PCBP3: variants seen among roughly 807,000 people sequenced by gnomAD.
PCBP3 encodes the protein poly(rC) binding protein 3.
PCBP3 carries 25 observed loss-of-function variants against 52.7 expected under a neutral mutation model. The ratio of observed to expected loss-of-function variants is 0.47; its 90% confidence interval spans 0.35 to 0.66. The LOEUF (loss-of-function observed/expected upper bound fraction) is 0.66, where lower values mean the gene tolerates loss of function less well. PCBP3 is among the 30% of genes least tolerant of loss of function. PCBP3 has a pLI of 0.01. For missense variants in PCBP3, 391 were observed against 490.3 expected (o/e 0.80, Z 1.91); for synonymous variants, 162 against 183.0 (o/e 0.89, Z 0.93).
intron 16 of PCBP3, 32 bp downstream of exon 16, chr21:45,935,337 G>T: frequency 6.5e-7 from 1 of 1,548,800 alleles, no homozygotes. Flanking sequence ...GCCTGTCCCT[G>T]GGTAGAAACA....
chr21:45,765,886 G>C (rs1454064857), intron 4 of PCBP3, among the ~76,000 whole-genome samples: 2 of 152,228 alleles, frequency 1.3e-5, no homozygotes, highest in African/African-American at 2.4e-5. Context: ...ATTTTGTTCA[G>C]TCTCATAATT....
At chr21:45,812,544 GACGCCCACCA>G (rs1168155044) in intron 4 of PCBP3, among the ~76,000 whole-genome samples, 1 of 152,094 alleles carries the variant, frequency 6.6e-6, no homozygotes, top group Non-Finnish European at 1.5e-5. Context: ...TAGCTGGGAT[GACGCCCACCA>G]ACACACCCGG....
At chr21:45,809,040 G>A (rs553023552) in intron 4 of PCBP3, among the ~76,000 whole-genome samples, 1 of 152,174 alleles carries the variant, frequency 6.6e-6, no homozygotes, top group East Asian at 1.9e-4. Context: ...GGCCTGTTGG[G>A]GGGTGGGGGG....
At chr21:45,841,432 C>G (rs1336605738) in intron 4 of PCBP3, among the ~76,000 whole-genome samples, 1 of 148,890 alleles carries the variant, frequency 6.7e-6, no homozygotes, top group Non-Finnish European at 1.5e-5. Context: ...CTAGTTGGTT[C>G]GTGAGTTCTG....
intron 1 of PCBP3, among the ~76,000 whole-genome samples, chr21:45,652,497 G>T (rs917842986): frequency 2.0e-5 from 3 of 149,286 alleles, no homozygotes; most frequent in Non-Finnish European, 4.4e-5. Context: ...TTGGAGTGCA[G>T]TGGCATGATC....
intron 5 of PCBP3, among the ~76,000 whole-genome samples, chr21:45,868,239 G>C (rs1267156786): frequency 5.3e-5 from 8 of 152,212 alleles, no homozygotes; most frequent in Non-Finnish European, 1.2e-4. Flanking sequence ...AGGGACAGGG[G>C]CACCTCCCGG....
intron 2 of PCBP3, among the ~76,000 whole-genome samples, chr21:45,715,222 G>C (rs2084130807): frequency 6.6e-6 from 1 of 152,204 alleles, no homozygotes; most frequent in African/African-American, 2.4e-5. Context: ...TTCCTATACA[G>C]AGGGGTATCA....
chr21:45,780,830 C>A (rs564896592), intron 4 of PCBP3, among the ~76,000 whole-genome samples: 229 of 152,284 alleles, frequency 1.5e-3, no homozygotes, highest in Middle Eastern at 3.4e-3. Flanking sequence ...TGCGCCAACA[C>A]TTTTATTGGA....
chr21:45,924,149 A>G (rs1366021322), intron 13 of PCBP3, among the ~76,000 whole-genome samples: 56 of 93,694 alleles, frequency 6.0e-4, no homozygotes, highest in African/African-American at 2.9e-3. Flanking sequence ...TCGGGTGTGC[A>G]CGAGGAGATG....
chr21:45,749,054 G>A (rs1028412663), intron 3 of PCBP3, among the ~76,000 whole-genome samples: 1 of 152,168 alleles, frequency 6.6e-6, no homozygotes, highest in African/African-American at 2.4e-5. Context: ...TGAGAAGATG[G>A]TTTCCATAAT....
At chr21:45,662,413 T>G (rs1476660462) in intron 1 of PCBP3, among the ~76,000 whole-genome samples, 1 of 151,356 alleles carries the variant, frequency 6.6e-6, no homozygotes, top group Admixed American at 6.6e-5. Flanking sequence ...TGAGCCACTG[T>G]GCCTGGCCTG....
At chr21:45,847,095 T>C (rs1375304388) in intron 4 of PCBP3, among the ~76,000 whole-genome samples, 2 of 152,236 alleles carry the variant, frequency 1.3e-5, no homozygotes, top group East Asian at 3.8e-4. Flanking sequence ...GTGGTTTGTG[T>C]CTTTGCTTTT....
chr21:45,751,813 A>G (rs1364405710), intron 3 of PCBP3, among the ~76,000 whole-genome samples: 1 of 152,290 alleles, frequency 6.6e-6, no homozygotes, highest in African/African-American at 2.4e-5. Flanking sequence ...TCAGCTCATG[A>G]CTTTTTGCTA....
intron 4 of PCBP3, among the ~76,000 whole-genome samples, chr21:45,797,123 T>C (rs2091959008): frequency 6.6e-6 from 1 of 152,142 alleles, no homozygotes; most frequent in Non-Finnish European, 1.5e-5. Context: ...TGAAAGAGCG[T>C]GGTGTATGGG....
At chr21:45,716,334 G>A (rs1255045731) in intron 2 of PCBP3, among the ~76,000 whole-genome samples, 2 of 152,162 alleles carry the variant, frequency 1.3e-5, no homozygotes, top group African/African-American at 4.8e-5. Flanking sequence ...GGGAGGGAGA[G>A]AGAATATATC....
intron 2 of PCBP3, among the ~76,000 whole-genome samples, chr21:45,695,066 A>C (rs1229655697): frequency 6.6e-6 from 1 of 152,228 alleles, no homozygotes; most frequent in African/African-American, 2.4e-5. Flanking sequence ...TATACTATCA[A>C]GCTATAGTAA....
At chr21:45,910,528 A>G (rs1433145654) in intron 10 of PCBP3, among the ~76,000 whole-genome samples, 2 of 152,094 alleles carry the variant, frequency 1.3e-5, no homozygotes, top group Non-Finnish European at 2.9e-5. Flanking sequence ...AGCTGCCCCA[A>G]TCTTCATTTC....
intron 6 of PCBP3, among the ~76,000 whole-genome samples, chr21:45,899,087 G>A (rs1189272012): frequency 1.3e-5 from 2 of 152,258 alleles, no homozygotes; most frequent in Admixed American, 6.5e-5. Context: ...AGCCCAGCGG[G>A]GAACGTGTGT....
At chr21:45,722,668 T>G (rs2084737890) in intron 2 of PCBP3, among the ~76,000 whole-genome samples, 1 of 152,264 alleles carries the variant, frequency 6.6e-6, no homozygotes, top group Admixed American at 6.5e-5. Context: ...CTACACTTTC[T>G]TAGCAAAAAT....
Sources: gnomAD v4.1 joint callset for allele counts (sites outside exome capture counted in the v4.1 genomes callset) on GRCh38, gnomAD v4.1.1 for gene constraint, MANE v1.5 for transcripts, NCBI Gene and HGNC (gene_info 2026-07-23, HGNC 2026-07-21) for gene names.